The following GPR158 variants were observed in gnomAD, a reference collection of about 807,000 sequenced individuals.
The protein encoded by GPR158 is metabotropic glycine receptor.
In GPR158, 30 loss-of-function variants were observed where a neutral mutation model predicts 78.2. That is an observed-to-expected ratio of 0.38 (90% CI 0.29 to 0.52). The LOEUF (loss-of-function observed/expected upper bound fraction) is 0.52. GPR158 is among the 20% of genes least tolerant of loss of function. The pLI is 0.83. For synonymous variants in GPR158, 581 were observed against 591.1 expected (o/e 0.98, Z 0.25); for missense variants, 1,463 against 1,523.5 (o/e 0.96, Z 0.66).
intron 5 of GPR158, among the ~76,000 whole-genome samples, chr10:25,548,269 A>T (rs924904146): frequency 2.6e-4 from 40 of 152,156 alleles, no homozygotes; most frequent in Admixed American, 3.3e-4. Context: ...GATAACTACA[A>T]TGCAAGATGC....
intron 3 of GPR158, 78 bp from the exon 4 acceptor site, chr10:25,412,172 G>T: frequency 1.1e-6 from 1 of 926,514 alleles, no homozygotes; most frequent in East Asian, 2.4e-5. Context: ...AGGAGTCACG[G>T]ATGTCTTTTG....
At position 25,175,645 on chromosome 10, in the gene GPR158, C is replaced by T. The variant is rs1464146640; in HGVS notation, c.225C>T (p.Ala75=). 1.9e-6 allele frequency: 3 copies of T among 1,611,350 alleles called. No homozygotes were observed. Among genetic ancestry groups the T allele is most frequent in the Admixed American group, 3.3e-5 (2 of 60,026 alleles). The change falls in exon 1 of 11, where the codon GCC becomes GCT. Residue 75 remains alanine, a synonymous_variant. Transcript: ENST00000376351. The surrounding 1 kb of genome is among the most constrained non-coding windows in gnomAD (Gnocchi z 6.4). The part of the protein sequence containing the change: ...TDGTILAQKL[A]EEVPMDVASY... Reference sequence around the variant, plus strand: ...GCACCATCTTGGCGCAGAAACTCGCCGAGGAGGTGCCCATGGACGTGGCCT... The same window carrying T: ...GCACCATCTTGGCGCAGAAACTCGCTGAGGAGGTGCCCATGGACGTGGCCT...
In GPR158 at chr10:25,175,633, G is replaced by T; in HGVS notation, c.213G>T (p.Ala71=). ...WSRSTDGTIL[A]QKLAEEVPMD... ...GCTCCACCGATGGCACCATCTTGGCGCAGAAACTCGCCGAGGAGGTGCCCA... is the reference window on the plus strand; with the variant it reads ...GCTCCACCGATGGCACCATCTTGGCTCAGAAACTCGCCGAGGAGGTGCCCA... The change falls in exon 1 of 11, where the codon GCG becomes GCT. Residue 71 remains alanine, a synonymous_variant. Transcript: ENST00000376351. This position sits in a 1 kb window ranked among gnomAD's most constrained non-coding sequence, Gnocchi z 6.4. 1.9e-6 allele frequency: 3 copies of T among 1,611,056 alleles called. No individual in the cohort carries two copies. The highest frequency in any genetic ancestry group is 2.2e-5 in the East Asian group (1 of 44,838).
At position 25,542,522 on chromosome 10, in the gene GPR158, T is replaced by C. The variant is rs989764216; in HGVS notation, c.1405-8454T>C. Among the ~76,000 whole-genome samples the C allele has an allele frequency of 3.3e-5, 5 of 152,090 alleles. No homozygotes were observed. The East Asian group carries it at 5.8e-4, about 18-fold the overall frequency. On this transcript the variant is annotated intron_variant, in intron 5 of 10. Transcript: ENST00000376351. ...CTATACTTGCAAATAAGTTATTCTGTTAAAAATGTTCTTCTATGGGCCAGG... is the reference window on the plus strand; with the variant it reads ...CTATACTTGCAAATAAGTTATTCTGCTAAAAATGTTCTTCTATGGGCCAGG...
intron 4 of GPR158, among the ~76,000 whole-genome samples, chr10:25,454,959 A>C (rs1309795425): frequency 1.3e-5 from 2 of 152,196 alleles, no homozygotes; most frequent in Non-Finnish European, 2.9e-5. Context: ...TTAGTAAGGC[A>C]GTTGGTCAAC....
chr10:25,363,625 T>A (rs546976080), intron 2 of GPR158, among the ~76,000 whole-genome samples: 1 of 152,018 alleles, frequency 6.6e-6, no homozygotes, highest in South Asian at 2.1e-4. Flanking sequence ...TCTGATTAGA[T>A]CTTACAATGA....
At chr10:25,490,567 G>A (rs1383889161) in intron 5 of GPR158, among the ~76,000 whole-genome samples, 1 of 147,442 alleles carries the variant, frequency 6.8e-6, no homozygotes, top group African/African-American at 2.5e-5. Context: ...CTTGCGATAG[G>A]TTACTGAGAA....
chr10:25,268,387 C>G (rs1272528600), intron 2 of GPR158, among the ~76,000 whole-genome samples: 1 of 151,934 alleles, frequency 6.6e-6, no homozygotes, highest in Non-Finnish European at 1.5e-5. Context: ...AAAATATTGG[C>G]CATATGTGCA....
intron 2 of GPR158, among the ~76,000 whole-genome samples, chr10:25,349,211 C>A (rs1386293661): frequency 6.6e-6 from 1 of 151,870 alleles, no homozygotes; most frequent in Non-Finnish European, 1.5e-5. Context: ...GGCTCATGGA[C>A]TCTTCCTGGC....
At chr10:25,284,579 ATCTG>A (rs1272354848) in intron 2 of GPR158, among the ~76,000 whole-genome samples, 53 of 151,792 alleles carry the variant, frequency 3.5e-4, no homozygotes, top group Non-Finnish European at 6.6e-4. Flanking sequence ...CAGTCTGACA[ATCTG>A]TCTTTTAATT....
At chr10:25,522,157 C>G (rs940688361) in intron 5 of GPR158, among the ~76,000 whole-genome samples, 1 of 152,194 alleles carries the variant, frequency 6.6e-6, no homozygotes, top group Non-Finnish European at 1.5e-5. Flanking sequence ...CAGCTTCTTA[C>G]TATGTAAGTT....
intron 2 of GPR158, among the ~76,000 whole-genome samples, chr10:25,237,489 A>G (rs894778313): frequency 3.3e-5 from 5 of 152,338 alleles, no homozygotes; most frequent in East Asian, 1.9e-4. Context: ...GAATCAAATA[A>G]AAACTGCATA....
chr10:25,284,594 C>A, intron 2 of GPR158, among the ~76,000 whole-genome samples: 1 of 151,662 alleles, frequency 6.6e-6, no homozygotes, highest in Middle Eastern at 3.7e-3. Context: ...TCTTTTAATT[C>A]ATATATTTAA....
Position 25,459,409 on chromosome 10 carries a change from G to T in GPR158, c.1336-7242G>T, listed in dbSNP as rs199893709. Among the ~76,000 whole-genome samples the T allele has an allele frequency of 6.6e-5, 10 of 152,094 alleles. 1 individual carries two copies. In the East Asian group the frequency reaches 1.9e-3, roughly 29 times the overall value. ...CTCATATTTTCCTCATAGATGCTGG[G>T]TCCAACTATATAAAAGTATATTTAT... is the stretch of plus-strand genomic sequence containing the variant. On this transcript the variant is annotated intron_variant, in intron 4 of 10. Coordinates refer to ENST00000376351, the MANE Select transcript of GPR158 (RefSeq NM_020752.3).
intron 5 of GPR158, among the ~76,000 whole-genome samples, chr10:25,525,668 G>A (rs578057277): frequency 3.4e-4 from 52 of 152,312 alleles, no homozygotes; most frequent in African/African-American, 1.1e-3. Context: ...GGGGAAGAAT[G>A]GGGGAATGAC....
intron 4 of GPR158, among the ~76,000 whole-genome samples, chr10:25,444,003 A>G (rs1221905048): frequency 6.6e-6 from 1 of 151,894 alleles, no homozygotes; most frequent in African/African-American, 2.4e-5. Context: ...GGACTAGATG[A>G]TTCGTTGGTG....
At chr10:25,410,766 T>A (rs1246929640) in intron 3 of GPR158, among the ~76,000 whole-genome samples, 1 of 152,198 alleles carries the variant, frequency 6.6e-6, no homozygotes, top group Non-Finnish European at 1.5e-5. Flanking sequence ...GACAATAAAA[T>A]CCATTTGCTT....
At chr10:25,412,184 C>A in intron 3 of GPR158, 66 bp from the exon 4 acceptor site, 1 of 1,072,360 alleles carries the variant, frequency 9.3e-7, no homozygotes, top group Non-Finnish European at 1.5e-6. Context: ...TGTCTTTTGA[C>A]TCTATACTCA....
chr10:25,546,091 C>T (rs1401129853), intron 5 of GPR158, among the ~76,000 whole-genome samples: 1 of 152,068 alleles, frequency 6.6e-6, no homozygotes. Context: ...CTGAGACATG[C>T]AGGATGAGGC....
Sources: allele counts gnomAD v4.1 joint callset (sites outside exome capture counted in the v4.1 genomes callset), GRCh38; gene constraint gnomAD v4.1.1; non-coding constraint Gnocchi (gnomAD v3.1); transcripts MANE v1.5; gene names NCBI Gene and HGNC (gene_info 2026-07-23, HGNC 2026-07-21).